EPHA7: variants seen among roughly 807,000 people sequenced by gnomAD.
EPHA7 encodes the protein EPH receptor A7, also known as ephrin type-A receptor 7.
Under a neutral mutation model 112.6 loss-of-function variants are expected in EPHA7, and 25 were observed. That is an observed-to-expected ratio of 0.22 (90% CI 0.16 to 0.31). The LOEUF is 0.31. Among genes scored for constraint, EPHA7 ranks in the 10% least tolerant of loss-of-function variants. EPHA7 has a pLI of 1.00. For missense variants in EPHA7, 962 were observed against 1,212.6 expected (o/e 0.79, Z 3.07); for synonymous variants, 437 against 406.5 (o/e 1.07, Z -0.90).
chr6:93,282,306 G>A (rs760474290), intron 5 of EPHA7, among the ~76,000 whole-genome samples: 19 of 152,056 alleles, frequency 1.2e-4, no homozygotes, highest in Admixed American at 2.6e-4. Context: ...CTTCCATTAC[G>A]GAACACTGAG....
chr6:93,329,749 ATGTTC>A (rs1359906626), intron 5 of EPHA7, among the ~76,000 whole-genome samples: 25 of 151,284 alleles, frequency 1.7e-4, no homozygotes, highest in Admixed American at 3.3e-4. Context: ...TGTTATACAT[ATGTTC>A]TACTTTATAC....
At chr6:93,276,835 G>A (rs1032262819) in intron 5 of EPHA7, among the ~76,000 whole-genome samples, 4 of 151,982 alleles carry the variant, frequency 2.6e-5, no homozygotes, top group Non-Finnish European at 5.9e-5. Flanking sequence ...GATTTAAAAA[G>A]TCATTTATTT....
At chr6:93,415,489 G>A (rs908508349) in intron 1 of EPHA7, among the ~76,000 whole-genome samples, 3 of 151,788 alleles carry the variant, frequency 2.0e-5, no homozygotes, top group African/African-American at 7.3e-5. Flanking sequence ...AGCATAATGC[G>A]ATTAATTTAA....
At chr6:93,412,811 C>T (rs1164845716) in intron 2 of EPHA7, among the ~76,000 whole-genome samples, 1 of 151,932 alleles carries the variant, frequency 6.6e-6, no homozygotes, top group East Asian at 1.9e-4. Flanking sequence ...TTTGAAGAAA[C>T]CAAAGCTAAT....
chr6:93,274,983 T>C (rs941315633), intron 5 of EPHA7, among the ~76,000 whole-genome samples: 4 of 151,936 alleles, frequency 2.6e-5, no homozygotes, highest in African/African-American at 9.7e-5. Flanking sequence ...CACAATGATT[T>C]CTATGGTCAA....
chr6:93,268,749 TACACTATATATAC>T (rs1258563188), intron 7 of EPHA7, among the ~76,000 whole-genome samples: 1 of 151,802 alleles, frequency 6.6e-6, no homozygotes, highest in Non-Finnish European at 1.5e-5. Context: ...TTACTTCTTA[TACACTATATATAC>T]ACATGCATTT....
chr6:93,325,013 T>C (rs912307682), intron 5 of EPHA7, among the ~76,000 whole-genome samples: 3 of 151,300 alleles, frequency 2.0e-5, no homozygotes, highest in Non-Finnish European at 3.0e-5. Context: ...GAACCTACCT[T>C]TTCTAAAACT....
At chr6:93,387,430 C>T (rs113494904) in intron 3 of EPHA7, among the ~76,000 whole-genome samples, 6 of 152,274 alleles carry the variant, frequency 3.9e-5, no homozygotes, top group African/African-American at 1.4e-4. Flanking sequence ...AACTTTCCCA[C>T]ATCTTCCTGT....
At chr6:93,249,899 G>A (rs904749859) in intron 14 of EPHA7, among the ~76,000 whole-genome samples, 2 of 151,996 alleles carry the variant, frequency 1.3e-5, no homozygotes, top group Non-Finnish European at 2.9e-5. Flanking sequence ...TTGTAGCACT[G>A]AACATAGGAC....
chr6:93,391,961 A>G (rs1360645107), intron 3 of EPHA7, among the ~76,000 whole-genome samples: 2 of 151,974 alleles, frequency 1.3e-5, no homozygotes, highest in African/African-American at 4.8e-5. Context: ...GGAGCATATC[A>G]GACAGCGTTA....
chr6:93,411,204 A>G (rs750969709), intron 2 of EPHA7, 34 bp from the exon 3 acceptor site: 3 of 1,556,430 alleles, frequency 1.9e-6, no homozygotes, highest in Non-Finnish European at 2.6e-6. Context: ...TCAGTCATTC[A>G]GCAAAAAATA....
intron 3 of EPHA7, among the ~76,000 whole-genome samples, chr6:93,380,684 T>A (rs1777293748): frequency 6.6e-6 from 1 of 152,090 alleles, no homozygotes; most frequent in South Asian, 2.1e-4. Flanking sequence ...CTTACAAAAT[T>A]GGCACATTAT....
chr6:93,355,712 C>T (rs575505264), intron 5 of EPHA7, among the ~76,000 whole-genome samples: 3 of 152,216 alleles, frequency 2.0e-5, no homozygotes, highest in South Asian at 2.1e-4. Flanking sequence ...GTCTCCAATT[C>T]GTATTTTCCA....
At chr6:93,344,362 G>A (rs184304075) in intron 5 of EPHA7, among the ~76,000 whole-genome samples, 1 of 151,532 alleles carries the variant, frequency 6.6e-6, no homozygotes, top group Non-Finnish European at 1.5e-5. Context: ...TGATGTCAGG[G>A]ATGTGAGAAA....
At position 93,241,321 on chromosome 6, in the gene EPHA7, C is replaced by T. The variant is rs1003547938; in HGVS notation, c.*2105G>A. The T allele has an allele frequency of 9.1e-6, 2 of 218,812 alleles. No individual in the cohort carries two copies. The highest frequency in any genetic ancestry group is 2.2e-5 in the African/African-American group (1 of 44,578). 13.6% of individuals were successfully genotyped at this position (218,812 alleles called of 1,614,324 possible). ...ACTCAAACTCTTTCACTCATTCTCA[C>T]AAAGGCCAATGCTACTGATTAGAAT... On this transcript the variant is annotated 3_prime_UTR_variant, in exon 17 of 17. Transcript: ENST00000369303.
At chr6:93,379,661 G>GA (rs1777237527) in intron 3 of EPHA7, among the ~76,000 whole-genome samples, 1 of 151,750 alleles carries the variant, frequency 6.6e-6, no homozygotes, top group Non-Finnish European at 1.5e-5. Context: ...TTTCAAGAGT[G>GA]AAAAAAGAGC....
intron 2 of EPHA7, 90 bp from the exon 3 acceptor site, chr6:93,411,260 C>T (rs915138498): frequency 5.6e-6 from 6 of 1,079,236 alleles, no homozygotes; most frequent in Admixed American, 4.6e-5. Flanking sequence ...TACAGATCTT[C>T]GAAAAAGTTA....
chr6:93,281,123 A>G (rs544496037), intron 5 of EPHA7, among the ~76,000 whole-genome samples: 2 of 152,314 alleles, frequency 1.3e-5, no homozygotes, highest in Admixed American at 6.5e-5. Context: ...ATCCATTTGT[A>G]TAATTTATAC....
rs1778910924 is a variant in EPHA7 at position 93,410,256 on chromosome 6, T to A, written c.832+245A>T. On this transcript the variant is annotated intron_variant, in intron 3 of 16. Coordinates refer to ENST00000369303, the MANE Select transcript of EPHA7 (RefSeq NM_004440.4). This position sits in a 1 kb window ranked among gnomAD's most constrained non-coding sequence, Gnocchi z 4.0. ...CAACGTGCAACTATTGACTTCCATG[T>A]TAAGCATAGGACACATTAAATTTTA... 3 of 447,572 alleles carry A rather than the reference T, an allele frequency of 6.7e-6. No individual in the cohort carries two copies. The South Asian group carries it at 1.1e-4, about 16-fold the overall frequency. The allele number at this position is 447,572 out of a possible 1,614,324, so 27.7% of individuals were successfully genotyped here. A position where few individuals can be genotyped will look rare whatever the true frequency, so the allele number is the denominator to read the frequency against.
Sources: gnomAD v4.1 joint callset for allele counts (sites outside exome capture counted in the v4.1 genomes callset) on GRCh38, gnomAD v4.1.1 for gene constraint, Gnocchi (gnomAD v3.1) non-coding constraint, MANE v1.5 for transcripts, NCBI Gene and HGNC (gene_info 2026-07-23, HGNC 2026-07-21) for gene names.